The following BEST3 variants were observed in gnomAD, a reference collection of about 807,000 sequenced individuals.
BEST3 encodes bestrophin-3.
A neutral mutation model predicts 47.1 loss-of-function variants in BEST3; 50 were observed. The ratio of observed to expected loss-of-function variants is 1.06; its 90% CI spans 0.85 to 1.34. The LOEUF is 1.34. Ranked by LOEUF, BEST3 falls within the 40% of genes most tolerant of loss-of-function variation. BEST3 has a pLI of 0.00. For synonymous variants in BEST3, 282 were observed against 298.8 expected (o/e 0.94, Z 0.58); for missense variants, 765 against 817.0 (o/e 0.94, Z 0.78).
chr12:69,679,550 T>A (rs1330293060), intron 4 of BEST3, among the ~76,000 whole-genome samples: 1 of 152,210 alleles, frequency 6.6e-6, no homozygotes, highest in East Asian at 1.9e-4. Flanking sequence ...CCATAGCATT[T>A]TGCACATACT....
At chr12:69,646,178 C>T (rs7131770) in intron 9 of BEST3, among the ~76,000 whole-genome samples, 47,172 of 151,932 alleles carry the variant, frequency 0.31, 8,193 homozygotes, top group South Asian at 0.54. Context: ...CCTCAAGTGA[C>T]CCACCAGTCT....
intron 2 of BEST3, 28 bp downstream of exon 2, chr12:69,697,619 A>G (rs1195452744): frequency 1.3e-6 from 2 of 1,513,836 alleles, no homozygotes; most frequent in Non-Finnish European, 1.8e-6. Flanking sequence ...TCTGATGGCC[A>G]TTTAAGGAGA....
chr12:69,669,200 C>A (rs1328009847), intron 9 of BEST3, among the ~76,000 whole-genome samples: 2 of 152,158 alleles, frequency 1.3e-5, no homozygotes, highest in Non-Finnish European at 2.9e-5. Flanking sequence ...CCAAAGGGGG[C>A]CATTTCTATC....
At chr12:69,663,177 A>G (rs1883972061) in intron 9 of BEST3, among the ~76,000 whole-genome samples, 1 of 152,106 alleles carries the variant, frequency 6.6e-6, no homozygotes, top group African/African-American at 2.4e-5. Context: ...ATTGAAAGAT[A>G]GTAAGAATTT....
intron 9 of BEST3, among the ~76,000 whole-genome samples, chr12:69,667,841 AGG>A (rs1884325894): frequency 6.6e-6 from 1 of 152,120 alleles, no homozygotes; most frequent in Non-Finnish European, 1.5e-5. Flanking sequence ...ACCTCATAGT[AGG>A]CCCTGAAAAA....
intron 9 of BEST3, among the ~76,000 whole-genome samples, chr12:69,656,466 A>G (rs546037225): frequency 1.2e-4 from 19 of 152,086 alleles, no homozygotes; most frequent in Non-Finnish European, 2.6e-4. Flanking sequence ...CCAAGGACCC[A>G]TAAAACCCCC....
intron 9 of BEST3, among the ~76,000 whole-genome samples, chr12:69,659,558 G>A (rs968869604): frequency 1.3e-5 from 2 of 152,070 alleles, no homozygotes; most frequent in Admixed American, 6.6e-5. Flanking sequence ...TCCCTATGTT[G>A]CCCAGGCTGG....
At chr12:69,693,593 AC>A in intron 4 of BEST3, 80 bp downstream of exon 4, 1 of 1,189,490 alleles carries the variant, frequency 8.4e-7, no homozygotes, top group Admixed American at 2.0e-5. Flanking sequence ...GAATAAACAA[AC>A]ATAAAGAATT....
intron 4 of BEST3, among the ~76,000 whole-genome samples, chr12:69,684,870 AG>A (rs1192446125): frequency 6.6e-6 from 1 of 152,248 alleles, no homozygotes; most frequent in East Asian, 1.9e-4. Flanking sequence ...CATGCAGGGC[AG>A]GATGTCAACC....
intron 9 of BEST3, among the ~76,000 whole-genome samples, chr12:69,662,212 T>C (rs1365669088): frequency 6.6e-5 from 10 of 152,196 alleles, no homozygotes; most frequent in Admixed American, 6.5e-4. Flanking sequence ...TCCTTTCTGG[T>C]ACATTAAGTG....
At position 69,657,688 on chromosome 12, in the gene BEST3, A is replaced by G. The variant is rs146711322; in HGVS notation, c.1101-1875T>C. 2.0e-5 allele frequency among the ~76,000 whole-genome samples: 3 copies of G among 152,332 alleles called. No homozygotes were observed. The East Asian group carries it at 5.8e-4, about 29-fold the overall frequency. ...GCCGGGTGCATTTTATGTGACATGA[A>G]GGAGAACATTGGGACAGTATAATAT... is the stretch of plus-strand genomic sequence containing the variant. On this transcript the variant is annotated intron_variant, in intron 9 of 9. Coordinates refer to ENST00000330891, the MANE Select transcript of BEST3 (RefSeq NM_032735.3).
In BEST3 at chr12:69,655,341, A is replaced by T; in HGVS notation, c.1573T>A (p.Ser525Thr). 1.2e-6 allele frequency: 2 copies of T among 1,614,018 alleles called. No homozygotes were observed. Among genetic ancestry groups the T allele is most frequent in the Middle Eastern group, 1.6e-4 (1 of 6,062 alleles). ...SGGYHHDSAT[S>T]ILSSEFTGVQ... ...CCTGTAAACTCAGAGCTCAAGATGGAGGTAGCGGAATCATGGTGGTAGCCC... is the reference window on the plus strand; with the variant it reads ...CCTGTAAACTCAGAGCTCAAGATGGTGGTAGCGGAATCATGGTGGTAGCCC... Residue 525 changes from serine to threonine, a missense_variant, in exon 10 of 10, where the codon TCC becomes ACC. Ser to Thr is a moderately conservative substitution (Grantham distance 58). Coordinates refer to ENST00000330891, the MANE Select transcript of BEST3 (RefSeq NM_032735.3).
intron 9 of BEST3, chr12:69,670,506 G>A (rs1205142468): frequency 2.8e-6 from 2 of 702,934 alleles, no homozygotes; most frequent in Non-Finnish European, 5.2e-6. Flanking sequence ...CTTTGGAAGA[G>A]AAGTGCCACA....
At chr12:69,690,216 C>T (rs904405538) in intron 4 of BEST3, among the ~76,000 whole-genome samples, 1 of 152,118 alleles carries the variant, frequency 6.6e-6, no homozygotes, top group South Asian at 2.1e-4. Flanking sequence ...AAATGTACAT[C>T]CAGAAGTGAA....
rs113525790 is a variant in BEST3, at chr12:69,671,511, G to A, written c.1017C>T (p.Asp339=). 595 of 1,613,918 alleles carry A rather than the reference G, an allele frequency of 3.7e-4. 2 individuals are homozygous for A. In the African/African-American group the frequency reaches 5.8e-3, roughly 16 times the overall value. The change falls in exon 9 of 10, where the codon GAC becomes GAT. Residue 339 remains aspartate (D), a synonymous_variant. Transcript: ENST00000330891. ...TGTATGGTGGGCGAGCAGCAGAATCGTCCCAGTAAATGTCCTTCTTCATCT... is the reference window on the plus strand; with the variant it reads ...TGTATGGTGGGCGAGCAGCAGAATCATCCCAGTAAATGTCCTTCTTCATCT... ...LPKMKKDIYW[D]DSAARPPYTL...
chr12:69,666,146 A>G (rs775503), intron 9 of BEST3, among the ~76,000 whole-genome samples: 75,513 of 151,882 alleles, frequency 0.5, 18,943 homozygotes, highest in Admixed American at 0.63. Context: ...CAGCCTCCCA[A>G]ATAGCTGGGA....
At position 69,645,205 on chromosome 12, in the gene BEST3, A is replaced by G. The variant is rs192131507; in HGVS notation, c.1101-1418T>C. 8.5e-5 allele frequency among the ~76,000 whole-genome samples: 13 copies of G among 152,300 alleles called. No individual in the cohort carries two copies. In the East Asian group the frequency reaches 2.3e-3, roughly 27 times the overall value. On this transcript the variant is annotated intron_variant, in intron 9 of 9. Coordinates refer to the BEST3 transcript ENST00000331471. ...TTCAGTATTGGTTTATTATAATATTACCACACATCCGCTAGAGGATGGCTA... is the reference window on the plus strand; with the variant it reads ...TTCAGTATTGGTTTATTATAATATTGCCACACATCCGCTAGAGGATGGCTA...
At chr12:69,688,638 G>C (rs1027248597) in intron 4 of BEST3, among the ~76,000 whole-genome samples, 2 of 152,208 alleles carry the variant, frequency 1.3e-5, no homozygotes, top group Non-Finnish European at 2.9e-5. Context: ...GAAATTGCCA[G>C]ATGCTTCAGA....
chr12:69,649,824 A>G (rs1320595378), downstream of BEST3, among the ~76,000 whole-genome samples: 2 of 152,236 alleles, frequency 1.3e-5, no homozygotes, highest in African/African-American at 4.8e-5. Flanking sequence ...ACTGGCCTAG[A>G]CAAAAAACCT....
Sources: gnomAD v4.1 joint callset for allele counts (sites outside exome capture counted in the v4.1 genomes callset) on GRCh38, gnomAD v4.1.1 for gene constraint, MANE v1.5 for transcripts, NCBI Gene and HGNC (gene_info 2026-07-23, HGNC 2026-07-21) for gene names.